The following ORC3 variants were observed in gnomAD, a reference collection of about 807,000 sequenced individuals.
ORC3 encodes origin recognition complex subunit 3.
ORC3 carries 78 observed loss-of-function variants against 100.7 expected under a neutral mutation model. That is an observed-to-expected ratio of 0.77 (90% CI 0.65 to 0.94). ORC3 has a LOEUF of 0.94. ORC3 is among the 40% of genes least tolerant of loss of function. ORC3 has a pLI of 0.00. For synonymous variants in ORC3, 295 were observed against 289.3 expected (o/e 1.02, Z -0.20); for missense variants, 789 against 823.9 (o/e 0.96, Z 0.52).
intron 1 of ORC3, 23 bp from the exon 2 acceptor site, chr6:87,594,330 G>C: frequency 1.3e-6 from 2 of 1,558,846 alleles, no homozygotes; most frequent in African/African-American, 1.4e-5. Context: ...TTGACTTTAT[G>C]CTTTTCGTCT....
chr6:87,636,634 A>G (rs1583103859), intron 13 of ORC3, 148 bp downstream of exon 13: 3 of 616,162 alleles, frequency 4.9e-6, no homozygotes, highest in Non-Finnish European at 5.8e-6. Flanking sequence ...GAATTTATCC[A>G]TGTAGCTTAT....
chr6:87,594,279 A>C, intron 1 of ORC3, 74 bp from the exon 2 acceptor site: 1 of 1,073,512 alleles, frequency 9.3e-7, no homozygotes, highest in Non-Finnish European at 1.4e-6. Flanking sequence ...GCTTACCCAT[A>C]AAATATTTGG....
chr6:87,622,029 TGTTTCA>T lies in ORC3; in HGVS notation c.1185+23_1185+28del, dbSNP rs777121642. 1.1e-4 allele frequency: 173 copies of T among 1,543,064 alleles called. No individual in the cohort carries two copies. Among genetic ancestry groups the T allele is most frequent in the Non-Finnish European group, 1.5e-4 (171 of 1,119,978 alleles). ...ATATTTGAAGGTAGGAATGTGAATGTGTTTCAGTTTCATTCTCTTTTTCCTTTCATA... is the reference window on the plus strand; with the variant it reads ...ATATTTGAAGGTAGGAATGTGAATGTGTTTCATTCTCTTTTTCCTTTCATA... On this transcript the variant is annotated intron_variant, in intron 11 of 19. Transcript: ENST00000392844.
chr6:87,623,067 G>A (rs1450281459), intron 11 of ORC3, among the ~76,000 whole-genome samples: 2 of 152,160 alleles, frequency 1.3e-5, no homozygotes, highest in Non-Finnish European at 2.9e-5. Flanking sequence ...TTGAACAAGA[G>A]AATGTTAGAT....
chr6:87,652,624 C>T (rs1769366644), intron 13 of ORC3, among the ~76,000 whole-genome samples: 3 of 152,138 alleles, frequency 2.0e-5, no homozygotes. Flanking sequence ...ACATTTAGCA[C>T]GTCATATCTT....
intron 13 of ORC3, among the ~76,000 whole-genome samples, chr6:87,637,425 CTGTGT>C (rs1767909414): frequency 6.6e-6 from 1 of 152,110 alleles, no homozygotes; most frequent in Admixed American, 6.6e-5. Flanking sequence ...CACTGAAAAG[CTGTGT>C]TTTATTTCAT....
chr6:87,620,561 T>G (rs914958420), intron 9 of ORC3, among the ~76,000 whole-genome samples: 1 of 152,190 alleles, frequency 6.6e-6, no homozygotes, highest in Non-Finnish European at 1.5e-5. Context: ...ACATGCTAAT[T>G]TATTAATTTG....
chr6:87,613,671 A>G (rs1778947175), intron 8 of ORC3, among the ~76,000 whole-genome samples: 1 of 152,186 alleles, frequency 6.6e-6, no homozygotes, highest in African/African-American at 2.4e-5. Flanking sequence ...GCCATTCCAA[A>G]TGGGAGAAAT....
At chr6:87,661,687 A>C (rs930249466) in intron 16 of ORC3, among the ~76,000 whole-genome samples, 1 of 152,170 alleles carries the variant, frequency 6.6e-6, no homozygotes, top group Non-Finnish European at 1.5e-5. Flanking sequence ...TTGTACTGGT[A>C]GGAAAAGGAG....
intron 1 of ORC3, among the ~76,000 whole-genome samples, chr6:87,590,748 A>T (rs890646360): frequency 6.6e-6 from 1 of 152,228 alleles, no homozygotes; most frequent in African/African-American, 2.4e-5. Context: ...GATTAGGGCG[A>T]GGAGGGCAGA....
the ORC3 span, chr6:87,675,294 C>T: frequency 2.4e-5 from 10 of 412,096 alleles, no homozygotes; most frequent in Non-Finnish European, 3.9e-5. Context: ...CAGTGAAGGG[C>T]ATGTTCTAGA....
At chr6:87,608,326 G>A (rs1778496774) in intron 6 of ORC3, among the ~76,000 whole-genome samples, 1 of 152,084 alleles carries the variant, frequency 6.6e-6, no homozygotes, top group Non-Finnish European at 1.5e-5. Context: ...TAGACAAACA[G>A]ATAAGTAAAA....
At chr6:87,602,985 A>ATATATAT (rs1387217000) in intron 3 of ORC3, among the ~76,000 whole-genome samples, 20 of 132,830 alleles carry the variant, frequency 1.5e-4, no homozygotes, top group African/African-American at 3.2e-4. Flanking sequence ...ATATATATAC[A>ATATATAT]ATTTTTTTTT....
rs1770544272 is a variant in ORC3, at chr6:87,665,761, C to G, written c.1958C>G (p.Ala653Gly). ...INLVDWSEAF[A>G]TVVTAAEKMD... The stretch of plus-strand genomic sequence containing the variant: ...GTCTTGTCTATTCAAAAGGCTTTTG[C>G]AACAGTTGTGACAGCTGCTGAAAAA... Residue 653 changes from alanine to glycine, a missense_variant, in exon 19 of 20, where the codon GCA becomes GGA. Coordinates refer to ENST00000392844, the MANE Select transcript of ORC3 (RefSeq NM_012381.4). 1.2e-6 allele frequency: 2 copies of G among 1,608,356 alleles called. No homozygotes were observed. Among genetic ancestry groups the G allele is most frequent in the African/African-American group, 2.7e-5 (2 of 74,946 alleles).
chr6:87,610,269 C>T (rs938480845), intron 7 of ORC3, among the ~76,000 whole-genome samples: 3 of 151,732 alleles, frequency 2.0e-5, no homozygotes, highest in Non-Finnish European at 2.9e-5. Flanking sequence ...AGTGCAGTGG[C>T]GCCTTCTCAA....
Position 87,603,451 on chromosome 6 carries a change from C to T in ORC3, c.245C>T (p.Ser82Phe), listed in dbSNP as rs368053556. The T allele has an allele frequency of 6.5e-7, 1 of 1,531,602 alleles. No homozygotes were observed. Among genetic ancestry groups the T allele is most frequent in the South Asian group, 1.3e-5 (1 of 78,524 alleles). The allele number at this position is 1,531,602 out of a possible 1,614,324, so 94.9% of individuals were successfully genotyped here. A position where few individuals can be genotyped will look rare whatever the true frequency, so the allele number is the denominator to read the frequency against. Residue 82 changes from serine to phenylalanine, a missense_variant, in exon 4 of 20, where the codon TCT (serine) becomes TTT (phenylalanine). Coordinates refer to ENST00000392844, the MANE Select transcript of ORC3 (RefSeq NM_012381.4). ...ATTGAATTTCTGCAAAAATCACATTCTGGATTCCAGAAGAATTCAAGAGAC... is the reference window on the plus strand; with the variant it reads ...ATTGAATTTCTGCAAAAATCACATTTTGGATTCCAGAAGAATTCAAGAGAC... ...NLIEFLQKSH[S>F]GFQKNSRDLG... is the part of the protein sequence containing the mutation.
At position 87,667,027 on chromosome 6, in the gene ORC3, T is replaced by C. The variant is rs1210648895; in HGVS notation, c.2040T>C (p.Phe680=). The change falls in exon 20 of 20, where the codon TTT becomes TTC. Residue 680 remains phenylalanine (F), a synonymous_variant. Coordinates refer to ENST00000392844, the MANE Select transcript of ORC3 (RefSeq NM_012381.4). ...TAATTAAAGCCTCCAGTGCTCGGTTTATTAGAGCTGTTTCTGAACTAGAAC... is the reference window on the plus strand; with the variant it reads ...TAATTAAAGCCTCCAGTGCTCGGTTCATTAGAGCTGTTTCTGAACTAGAAC... The part of the protein sequence containing the change: ...EEMNEIIHAR[F]IRAVSELELL... 6.2e-7 allele frequency: 1 copy of C among 1,606,840 alleles called. No individual in the cohort carries two copies. Among genetic ancestry groups the C allele is most frequent in the South Asian group, 1.1e-5 (1 of 89,600 alleles).
intron 13 of ORC3, among the ~76,000 whole-genome samples, chr6:87,646,172 G>A (rs1357366413): frequency 6.6e-6 from 1 of 151,800 alleles, no homozygotes; most frequent in African/African-American, 2.4e-5. Flanking sequence ...ATTTTTAGTA[G>A]AGATGGGGTT....
At chr6:87,655,703 T>A (rs1173009255) in intron 14 of ORC3, among the ~76,000 whole-genome samples, 6 of 151,870 alleles carry the variant, frequency 4.0e-5, no homozygotes, top group Middle Eastern at 3.4e-3. Context: ...TGTCTCACTA[T>A]GTTTCCCAGC....
Sources: allele counts gnomAD v4.1 joint callset (sites outside exome capture counted in the v4.1 genomes callset), GRCh38; gene constraint gnomAD v4.1.1; transcripts MANE v1.5; gene names NCBI Gene and HGNC (gene_info 2026-07-23, HGNC 2026-07-21).